MBOAT7: variants seen among roughly 807,000 people sequenced by gnomAD.
The protein encoded by MBOAT7 is membrane bound acylglycerophosphatidylinositol O-acyltransferase MBOAT7, also known as membrane-bound acylglycerophosphatidylinositol O-acyltransferase MBOAT7.
Under a neutral mutation model 47.4 loss-of-function variants are expected in MBOAT7, and 40 were observed. The observed-to-expected ratio is 0.84, with a 90% CI of 0.66 to 1.10. The LOEUF (loss-of-function observed/expected upper bound fraction) is 1.10, where lower values mean the gene tolerates loss of function less well. Ranked by LOEUF, MBOAT7 falls within the 50% of genes least tolerant of loss-of-function variation. MBOAT7 has a pLI of 0.00. For missense variants in MBOAT7, 680 were observed against 655.6 expected (o/e 1.04, Z -0.41); for synonymous variants, 361 against 292.0 (o/e 1.24, Z -2.41).
At chr19:54,175,225 G>A (rs557479903) in intron 7 of MBOAT7, among the ~76,000 whole-genome samples, 62 of 152,228 alleles carry the variant, frequency 4.1e-4, no homozygotes, top group East Asian at 2.1e-3. Flanking sequence ...TGATCTGCCC[G>A]CCTTGGCCTC....
Position 54,174,186 on chromosome 19 carries a change from C to G in MBOAT7, c.1277G>C (p.Trp426Ser), listed in dbSNP as rs769260506. The G allele has an allele frequency of 6.2e-7, 1 of 1,600,672 alleles. No individual in the cohort carries two copies. The change falls in exon 8 of 8, where the codon TGG becomes TCG. Residue 426 changes from tryptophan to serine, a missense_variant. Trp to Ser is a radical substitution (Grantham distance 177, BLOSUM62 -3). Coordinates refer to ENST00000245615, the MANE Select transcript of MBOAT7 (RefSeq NM_024298.5). The stretch of plus-strand genomic sequence containing the variant: ...GTGGATACAGAAGTAGATGGAGGCC[C>G]AGTACCGAAGGGTGTCGGCCAAGGA... ...LLSLADTLRY[W>S]ASIYFCIHFL... is the part of the protein sequence containing the mutation.
intron 5 of MBOAT7, among the ~76,000 whole-genome samples, chr19:54,182,851 C>T (rs886132086): frequency 6.6e-6 from 1 of 152,050 alleles, no homozygotes; most frequent in South Asian, 2.1e-4. Flanking sequence ...CAGGCACACA[C>T]CACCATGCCC....
chr19:54,180,686 C>G lies in MBOAT7; in HGVS notation c.854+87G>C. 1 of 1,304,564 alleles carries G rather than the reference C, an allele frequency of 7.7e-7. No individual in the cohort carries two copies. Among genetic ancestry groups the G allele is most frequent in the Non-Finnish European group, 1.0e-6 (1 of 982,848 alleles). The allele number at this position is 1,304,564 out of a possible 1,614,324, so 80.8% of individuals were successfully genotyped here. A position where few individuals can be genotyped will look rare whatever the true frequency, so the allele number is the denominator to read the frequency against. On this transcript the variant is annotated intron_variant, in intron 6 of 7. Coordinates refer to ENST00000245615, the MANE Select transcript of MBOAT7 (RefSeq NM_024298.5). The surrounding 1 kb of genome is among the most constrained non-coding windows in gnomAD (Gnocchi z 5.2). ...AAGGTGGTGGCCCTGGCCCCTTGCTCCCCGCTCTCCTCCCGGCTAGGGGCA... is the reference window on the plus strand; with the variant it reads ...AAGGTGGTGGCCCTGGCCCCTTGCTGCCCGCTCTCCTCCCGGCTAGGGGCA...
chr19:54,184,904 C>CAAA lies in MBOAT7; in HGVS notation c.334-1227_334-1225dup, dbSNP rs71195748. ...GGGCAACAGGAGTGAAACTCCGTCTCAAAAAAAAAAAAAAAAAATTTAGGG... is the reference window on the plus strand; with the variant it reads ...GGGCAACAGGAGTGAAACTCCGTCTCAAAAAAAAAAAAAAAAAAAAATTTAGGG... On this transcript the variant is annotated intron_variant, in intron 4 of 7. Coordinates refer to ENST00000245615, the MANE Select transcript of MBOAT7 (RefSeq NM_024298.5). Among the ~76,000 whole-genome samples, 366 of 88,384 alleles carry CAAA rather than the reference C, an allele frequency of 4.1e-3. 7 individuals are homozygous for CAAA. The highest frequency in any genetic ancestry group is 0.012 in the African/African-American group (309 of 24,988). The allele number at this position is 88,384 out of a possible 152,430, so 58.0% of individuals were successfully genotyped here. A position where few individuals can be genotyped will look rare whatever the true frequency, so the allele number is the denominator to read the frequency against.
intron 7 of MBOAT7, among the ~76,000 whole-genome samples, chr19:54,175,385 G>T (rs1308496165): frequency 1.3e-5 from 2 of 152,112 alleles, no homozygotes; most frequent in African/African-American, 4.8e-5. Context: ...AGAAGCCCTG[G>T]GGGTGGGGCC....
chr19:54,188,027 A>AAGACAGAAAGACAGAAAGACAGAAAGAC (rs2076488190), intron 3 of MBOAT7, among the ~76,000 whole-genome samples, 190 bp downstream of exon 3: 5 of 81,282 alleles, frequency 6.2e-5, no homozygotes, highest in South Asian at 4.0e-4. Flanking sequence ...GAAAGAAAGA[A>AAGACAGAAAGACAGAAAGACAGAAAGAC]AGAAAGAAAG....
rs1309134760 is a variant in MBOAT7, at chr19:54,179,013, G to A, written c.855-72C>T. ...AGGCCCCCTCCCGACGCCTGCTAGT[G>A]TCCCAGCCCCGGATGCTAAGGAAGG... On this transcript the variant is annotated intron_variant, in intron 6 of 7. Transcript: ENST00000245615. 16 of 1,560,296 alleles carry A rather than the reference G, an allele frequency of 1.0e-5. 1 individual carries two copies. Among genetic ancestry groups the A allele is most frequent in the Middle Eastern group, 1.7e-4 (1 of 5,798 alleles).
At chr19:54,176,317 C>T (rs1456115742) in intron 7 of MBOAT7, among the ~76,000 whole-genome samples, 1 of 152,086 alleles carries the variant, frequency 6.6e-6, no homozygotes, top group Non-Finnish European at 1.5e-5. Context: ...AAGGGAGGAC[C>T]ATTGGCTTTC....
chr19:54,180,821 T>G lies in MBOAT7; in HGVS notation c.806A>C (p.Lys269Thr). The G allele has an allele frequency of 6.4e-7, 1 of 1,567,818 alleles. No individual in the cohort carries two copies. The change falls in exon 6 of 8, where the codon AAA becomes ACA. Residue 269 changes from lysine (K) to threonine (T), a missense_variant. Physicochemically the swap from Lys to Thr is moderately conservative, Grantham distance 78. Coordinates refer to ENST00000245615, the MANE Select transcript of MBOAT7 (RefSeq NM_024298.5). This position sits in a 1 kb window ranked among gnomAD's most constrained non-coding sequence, Gnocchi z 5.2. Reference sequence around the variant, plus strand: ...GGTGGGGCCGCCTCCGGCCCGGGCTTTGGCGGCCACGGGGTAGGCCCCAAA... The same window carrying G: ...GGTGGGGCCGCCTCCGGCCCGGGCTGTGGCGGCCACGGGGTAGGCCCCAAA... ...AGFGAYPVAA[K>T]ARAGGGPTLQ...
At chr19:54,183,112 C>T (rs2076333286) in intron 5 of MBOAT7, among the ~76,000 whole-genome samples, 1 of 152,174 alleles carries the variant, frequency 6.6e-6, no homozygotes, top group African/African-American at 2.4e-5. Flanking sequence ...GCAATCCTCT[C>T]GCCTCAGCCT....
At chr19:54,174,882 T>C (rs921021201) in intron 7 of MBOAT7, among the ~76,000 whole-genome samples, 17 of 151,902 alleles carry the variant, frequency 1.1e-4, no homozygotes, top group African/African-American at 3.4e-4. Context: ...CTCAGTCCTA[T>C]CAAGACCCTC....
chr19:54,179,926 T>A (rs2076217461), intron 6 of MBOAT7: 1 of 152,226 alleles, frequency 6.6e-6, no homozygotes, highest in Admixed American at 6.5e-5. Context: ...GGCAGTCTAC[T>A]CCTGGTTGCC....
intron 7 of MBOAT7, among the ~76,000 whole-genome samples, chr19:54,177,522 C>T (rs2076142449): frequency 6.6e-6 from 1 of 151,952 alleles, no homozygotes; most frequent in Admixed American, 6.6e-5. Context: ...GTCTTGATCT[C>T]CTGACCTTGT....
At chr19:54,176,892 A>AT (rs2076121707) in intron 7 of MBOAT7, among the ~76,000 whole-genome samples, 1 of 151,702 alleles carries the variant, frequency 6.6e-6, no homozygotes, top group South Asian at 2.1e-4. Flanking sequence ...ATCTCTATAC[A>AT]TTTTTTAAAA....
At chr19:54,179,478 G>C (rs62132545) in intron 6 of MBOAT7, 1 of 155,302 alleles carries the variant, frequency 6.4e-6, no homozygotes, top group Admixed American at 6.2e-5. Context: ...TTTAGGAAGG[G>C]GCTTTTTTCC....
chr19:54,182,855 C>T (rs2076326998), intron 5 of MBOAT7, among the ~76,000 whole-genome samples: 1 of 151,904 alleles, frequency 6.6e-6, no homozygotes. Flanking sequence ...CACACACCAC[C>T]ATGCCCGGCT....
In MBOAT7 at chr19:54,173,909, G is replaced by A; in HGVS notation, c.*135C>T. 1.8e-6 allele frequency: 2 copies of A among 1,131,194 alleles called. No individual in the cohort carries two copies. The highest frequency in any genetic ancestry group is 1.7e-5 in the South Asian group (1 of 59,986). The allele number at this position is 1,131,194 out of a possible 1,614,324, so 70.1% of individuals were successfully genotyped here. A position where few individuals can be genotyped will look rare whatever the true frequency, so the allele number is the denominator to read the frequency against. ...CACCCCCGGGTCTGCTTCAGTTGCA[G>A]GCAGGGTATTTAGCTGGGGAAGAGG... On this transcript the variant is annotated 3_prime_UTR_variant, in exon 8 of 8. Transcript: ENST00000245615.
chr19:54,179,195 G>A (rs2076200735), intron 6 of MBOAT7: 11 of 571,064 alleles, frequency 1.9e-5, no homozygotes, highest in Non-Finnish European at 2.8e-5. Context: ...AATGGGGCCC[G>A]CCACAGCCAT....
At chr19:54,182,992 C>T (rs1246099360) in intron 5 of MBOAT7, among the ~76,000 whole-genome samples, 6 of 79,054 alleles carry the variant, frequency 7.6e-5, no homozygotes, top group African/African-American at 1.7e-4. Flanking sequence ...TGAGCCACTG[C>T]GCCCGGCCCT....
Sources: gnomAD v4.1 joint callset for allele counts (sites outside exome capture counted in the v4.1 genomes callset) on GRCh38, gnomAD v4.1.1 for gene constraint, Gnocchi (gnomAD v3.1) non-coding constraint, MANE v1.5 for transcripts, NCBI Gene and HGNC (gene_info 2026-07-23, HGNC 2026-07-21) for gene names.